Variants in CACNA2D1 observed in about 807,000 individuals in gnomAD.
CACNA2D1 encodes calcium voltage-gated channel auxiliary subunit alpha2delta 1, also known as voltage-dependent calcium channel subunit alpha-2/delta-1.
Under a neutral mutation model 171.5 loss-of-function variants are expected in CACNA2D1, and 53 were observed. The observed-to-expected ratio is 0.31, with a 90% CI of 0.25 to 0.39. The LOEUF is 0.39. CACNA2D1 is among the 10% of genes least tolerant of loss of function. The pLI, the probability that CACNA2D1 is intolerant of heterozygous loss-of-function variation, is 1.00. For missense variants in CACNA2D1, 903 were observed against 1,299.8 expected, an observed-to-expected ratio of 0.69 and a Z score of 4.69; for synonymous variants, 442 against 443.1, an observed-to-expected ratio of 1.00 and a Z score of 0.03.
At chr7:82,161,178 G>A (rs1434820075) in intron 4 of CACNA2D1, among the ~76,000 whole-genome samples, 19 of 151,984 alleles carry the variant, frequency 1.3e-4, no homozygotes, top group East Asian at 1.9e-4. Context: ...ATTTTTCTTT[G>A]TATCCCTGTA....
chr7:82,032,000 T>G (rs993805531), intron 12 of CACNA2D1, among the ~76,000 whole-genome samples: 1 of 151,978 alleles, frequency 6.6e-6, no homozygotes, highest in Admixed American at 6.6e-5. Context: ...TCATTAGCAT[T>G]TTAGGAAACC....
intron 1 of CACNA2D1, among the ~76,000 whole-genome samples, chr7:82,358,789 A>G (rs1318233885): frequency 6.6e-6 from 1 of 152,072 alleles, no homozygotes; most frequent in Non-Finnish European, 1.5e-5. Flanking sequence ...TTTGTTCATA[A>G]GATCTTCTTT....
intron 38 of CACNA2D1, among the ~76,000 whole-genome samples, chr7:81,951,946 T>C (rs1792569529): frequency 7.2e-6 from 1 of 139,648 alleles, no homozygotes; most frequent in African/African-American, 2.7e-5. Flanking sequence ...TTAGCTTACA[T>C]TCCCACCAGC....
At chr7:82,367,500 CA>C (rs1821876744) in intron 1 of CACNA2D1, among the ~76,000 whole-genome samples, 1 of 152,114 alleles carries the variant, frequency 6.6e-6, no homozygotes, top group South Asian at 2.1e-4. Context: ...CTGTCCTTCA[CA>C]TCAGGTTCCT....
At chr7:81,998,742 C>T (rs1798297922) in intron 18 of CACNA2D1, among the ~76,000 whole-genome samples, 1 of 151,960 alleles carries the variant, frequency 6.6e-6, no homozygotes, top group African/African-American at 2.4e-5. Context: ...GGTGAAAATG[C>T]TGACCAGTAT....
chr7:82,221,870 T>C (rs968973072), intron 3 of CACNA2D1, among the ~76,000 whole-genome samples: 3 of 151,546 alleles, frequency 2.0e-5, no homozygotes, highest in African/African-American at 7.3e-5. Context: ...TTTGGGTAAG[T>C]AATGATGATT....
chr7:82,040,927 A>T (rs1306209159), intron 10 of CACNA2D1, among the ~76,000 whole-genome samples: 1 of 152,074 alleles, frequency 6.6e-6, no homozygotes, highest in African/African-American at 2.4e-5. Flanking sequence ...GTGAGCCAAG[A>T]TCACGCCATT....
chr7:82,345,882 C>T (rs1484502978), intron 2 of CACNA2D1, among the ~76,000 whole-genome samples: 1 of 151,942 alleles, frequency 6.6e-6, no homozygotes, highest in Non-Finnish European at 1.5e-5. Context: ...TTTATATATT[C>T]AGATAATAAT....
At chr7:82,138,948 T>C (rs184141795) in intron 4 of CACNA2D1, among the ~76,000 whole-genome samples, 69 of 152,284 alleles carry the variant, frequency 4.5e-4, no homozygotes, top group Admixed American at 1.8e-3. Flanking sequence ...ATCTTCATTT[T>C]AGACTTTATT....
rs145279961 is a variant in CACNA2D1 at position 82,309,171 on chromosome 7, C to T, written c.294+25964G>A. 5.8e-3 allele frequency among the ~76,000 whole-genome samples: 879 copies of T among 152,084 alleles called. 9 individuals carry two copies. The highest frequency in any genetic ancestry group is 0.02 in the African/African-American group (825 of 41,492). ...CTGTAATACCAGCACTTTGGGAGAC[C>T]GAGGCGGGTGGATCACCTGAGGTCA... On this transcript the variant is annotated intron_variant, in intron 3 of 38. Transcript: ENST00000356860.
rs1176607512 is a variant in CACNA2D1 at position 82,305,821 on chromosome 7, A to G, written c.294+29314T>C. Among the ~76,000 whole-genome samples, 4 of 152,168 alleles carry G rather than the reference A, an allele frequency of 2.6e-5. No individual in the cohort carries two copies. In the South Asian group the frequency reaches 8.3e-4, roughly 31 times the overall value. On this transcript the variant is annotated intron_variant, in intron 3 of 38. Transcript: ENST00000356860. ...AAGGTTTCCCTACACTTTTGGTGCT[A>G]TGAGCAACGTAACCAAAAGCTCTTT...
At chr7:82,435,701 C>T (rs552002389) in intron 1 of CACNA2D1, among the ~76,000 whole-genome samples, 5 of 152,198 alleles carry the variant, frequency 3.3e-5, no homozygotes, top group Admixed American at 6.5e-5. Flanking sequence ...TATACTGGCC[C>T]GCCTTAATCC....
intron 21 of CACNA2D1, among the ~76,000 whole-genome samples, chr7:81,986,698 G>T (rs1797011839): frequency 1.3e-5 from 2 of 152,064 alleles, no homozygotes. Context: ...TTCCTTATGG[G>T]AAAAGGTCAG....
Position 82,078,976 on chromosome 7 carries a change from T to A in CACNA2D1, c.658+5793A>T, listed in dbSNP as rs117724614. Among the ~76,000 whole-genome samples, 250 of 152,270 alleles carry A rather than the reference T, an allele frequency of 1.6e-3. 2 individuals carry two copies. The East Asian group carries it at 0.018, about 11-fold the overall frequency. On this transcript the variant is annotated intron_variant, in intron 7 of 38. Coordinates refer to ENST00000356860, the MANE Select transcript of CACNA2D1 (RefSeq NM_000722.4). The stretch of plus-strand genomic sequence containing the variant: ...CAATGATTTTCTTAGCTTATTTCCA[T>A]ATACATCAATGAAATTATAAAGCAG...
intron 19 of CACNA2D1, among the ~76,000 whole-genome samples, chr7:81,996,106 CTT>C (rs1798016641): frequency 6.6e-6 from 1 of 152,068 alleles, no homozygotes; most frequent in African/African-American, 2.4e-5. Flanking sequence ...ATAATAAAGA[CTT>C]TACCATGAAC....
At chr7:82,420,176 T>A (rs1297593019) in intron 1 of CACNA2D1, among the ~76,000 whole-genome samples, 2 of 152,344 alleles carry the variant, frequency 1.3e-5, no homozygotes, top group East Asian at 1.9e-4. Flanking sequence ...TTAATAGTTA[T>A]GTTCAGTCAA....
intron 6 of CACNA2D1, among the ~76,000 whole-genome samples, chr7:82,103,866 A>G (rs138800212): frequency 0.018 from 2,748 of 152,172 alleles, 33 homozygotes; most frequent in Middle Eastern, 0.048. Flanking sequence ...AGTTTTTATT[A>G]TTGTATTTTC....
intron 3 of CACNA2D1, among the ~76,000 whole-genome samples, chr7:82,245,805 T>C (rs1804852019): frequency 6.6e-6 from 1 of 152,124 alleles, no homozygotes; most frequent in Non-Finnish European, 1.5e-5. Context: ...TATGGTTTCT[T>C]ATAAAAGTCA....
chr7:82,342,633 T>C lies in CACNA2D1; in HGVS notation c.177+6935A>G, dbSNP rs544606552. On this transcript the variant is annotated intron_variant, in intron 2 of 38. Coordinates refer to ENST00000356860, the MANE Select transcript of CACNA2D1 (RefSeq NM_000722.4). ...GTAATGATCAGTGTGAGGAAGAATATGAGTGTTCCAATGAAGAGATATAGA... is the reference window on the plus strand; with the variant it reads ...GTAATGATCAGTGTGAGGAAGAATACGAGTGTTCCAATGAAGAGATATAGA... Among the ~76,000 whole-genome samples the C allele has an allele frequency of 1.2e-4, 19 of 152,264 alleles. No homozygotes were observed. In the East Asian group the frequency reaches 3.7e-3, roughly 29 times the overall value.
Sources: allele counts gnomAD v4.1 joint callset (sites outside exome capture counted in the v4.1 genomes callset), GRCh38; gene constraint gnomAD v4.1.1; transcripts MANE v1.5; gene names NCBI Gene and HGNC (gene_info 2026-07-23, HGNC 2026-07-21).